Variants in GALNT9 observed in about 807,000 individuals in gnomAD.
GALNT9 encodes polypeptide N-acetylgalactosaminyltransferase 9.
GALNT9 carries 47 observed loss-of-function variants against 63.1 expected under a neutral mutation model. The observed-to-expected ratio is 0.75, with a 90% CI of 0.59 to 0.95. The LOEUF is 0.95. GALNT9 is among the 40% of genes least tolerant of loss of function. The pLI, the probability that GALNT9 is intolerant of heterozygous loss-of-function variation, is 0.00. For missense variants in GALNT9, 829 were observed against 874.8 expected (o/e 0.95, Z 0.66); for synonymous variants, 396 against 365.7 (o/e 1.08, Z -0.94).
intron 6 of GALNT9, among the ~76,000 whole-genome samples, chr12:132,237,435 C>T (rs2136895395): frequency 2.0e-5 from 3 of 152,054 alleles, no homozygotes; most frequent in Non-Finnish European, 4.4e-5. Flanking sequence ...CTTCTGACAC[C>T]TGCTTTTACC....
chr12:132,267,897 A>ACG, intron 2 of GALNT9, among the ~76,000 whole-genome samples: 1 of 150,448 alleles, frequency 6.6e-6, no homozygotes, highest in South Asian at 2.1e-4. Context: ...ACACGCACAC[A>ACG]CGCACACAAA....
chr12:132,276,133 C>G (rs782341830), intron 2 of GALNT9: 1 of 152,248 alleles, frequency 6.6e-6, no homozygotes, highest in Non-Finnish European at 1.5e-5. Context: ...CCGGAGAGGC[C>G]GGGAGAGCTG....
At chr12:132,208,505 C>A (rs1472035323) in intron 6 of GALNT9, among the ~76,000 whole-genome samples, 4 of 152,252 alleles carry the variant, frequency 2.6e-5, no homozygotes, top group African/African-American at 9.6e-5. Flanking sequence ...CCACCCAGTG[C>A]CAAGGCCAAG....
intron 6 of GALNT9, among the ~76,000 whole-genome samples, chr12:132,223,147 CA>C (rs1877537053): frequency 3.5e-5 from 1 of 28,632 alleles, no homozygotes; most frequent in Non-Finnish European, 1.1e-4. Context: ...ACACACACAC[CA>C]CACAACCCAC....
chr12:132,214,541 C>G (rs1347024412), intron 6 of GALNT9, among the ~76,000 whole-genome samples: 1 of 152,218 alleles, frequency 6.6e-6, no homozygotes, highest in Non-Finnish European at 1.5e-5. Context: ...TCTGGGCTAC[C>G]ATCCTCCCAC....
chr12:132,250,468 T>C (rs1271921746), intron 5 of GALNT9, among the ~76,000 whole-genome samples: 2 of 152,222 alleles, frequency 1.3e-5, no homozygotes, highest in Non-Finnish European at 2.9e-5. Flanking sequence ...ATTGAGTGCT[T>C]TGATCTTCCA....
rs182992339 is a variant in GALNT9 at position 132,302,962 on chromosome 12, C to T, written c.239-16532G>A. ...TATGCAGAGGGACCACTCCGGTGAC[C>T]GTCTAAGGGGGGCGAGGGTGGAACC... On this transcript the variant is annotated intron_variant, in intron 1 of 10. Transcript: ENST00000328957. 2.0e-3 allele frequency among the ~76,000 whole-genome samples: 259 copies of T among 131,106 alleles called. 1 individual carries two copies. The East Asian group carries it at 0.024, about 12-fold the overall frequency. 86.0% of individuals were successfully genotyped at this position (131,106 alleles called of 152,430 possible). A position where few individuals can be genotyped will look rare whatever the true frequency, so the allele number is the denominator to read the frequency against.
At chr12:132,259,952 C>T (rs1294507783) in intron 4 of GALNT9, among the ~76,000 whole-genome samples, 4 of 148,846 alleles carry the variant, frequency 2.7e-5, no homozygotes, top group Non-Finnish European at 5.9e-5. Flanking sequence ...GGCCCTGGTG[C>T]GGGGAACACC....
chr12:132,248,185 T>C (rs1555238261), intron 5 of GALNT9, among the ~76,000 whole-genome samples, 158 bp from the exon 6 acceptor site: 1 of 152,228 alleles, frequency 6.6e-6, no homozygotes, highest in Non-Finnish European at 1.5e-5. Context: ...GAGGGGCCGC[T>C]GCTCCTCCAG....
At chr12:132,328,597 G>A (rs1274064975) in intron 1 of GALNT9, among the ~76,000 whole-genome samples, 5 of 152,186 alleles carry the variant, frequency 3.3e-5, no homozygotes, top group African/African-American at 4.8e-5. Flanking sequence ...TAAACCTGAC[G>A]GCCCCCACTC....
intron 6 of GALNT9, 80 bp from the exon 7 acceptor site, chr12:132,203,770 C>T: frequency 1.4e-6 from 2 of 1,470,708 alleles, no homozygotes; most frequent in Non-Finnish European, 1.8e-6. Context: ...CCGTGAGAGG[C>T]CAAGGGGCCC....
At chr12:132,326,590 G>A (rs1200884747) in intron 1 of GALNT9, among the ~76,000 whole-genome samples, 2 of 152,180 alleles carry the variant, frequency 1.3e-5, no homozygotes, top group Admixed American at 6.5e-5. Context: ...TGAAGACGTG[G>A]ACTTCCTTCC....
chr12:132,291,461 C>A (rs1880838655), intron 1 of GALNT9, among the ~76,000 whole-genome samples: 1 of 147,196 alleles, frequency 6.8e-6, no homozygotes, highest in Non-Finnish European at 1.5e-5. Flanking sequence ...TCACCCACAT[C>A]CACAGCACCC....
Position 132,265,596 on chromosome 12 carries a change from C to T in GALNT9, c.420-2971G>A, listed in dbSNP as rs781815468. 1.3e-5 allele frequency among the ~76,000 whole-genome samples: 2 copies of T among 152,178 alleles called. No individual in the cohort carries two copies. Among genetic ancestry groups the T allele is most frequent in the African/African-American group, 2.4e-5 (1 of 41,440 alleles). ...CCCGGGCCCCTTTTGCAGCAGGCTT[C>T]GCAAGGTAAGCAGCCCCACAGGACA... On this transcript the variant is annotated intron_variant, in intron 2 of 10. Transcript: ENST00000328957. The surrounding 1 kb of genome is among the most constrained non-coding windows in gnomAD (Gnocchi z 5.3).
At chr12:132,256,074 G>A (rs142225737) in intron 5 of GALNT9, among the ~76,000 whole-genome samples, 20 of 152,260 alleles carry the variant, frequency 1.3e-4, no homozygotes, top group African/African-American at 4.6e-4. Flanking sequence ...ACTTTGAGGG[G>A]TGAAATTTAT....
At chr12:132,326,747 G>C (rs1869053876) in intron 1 of GALNT9, among the ~76,000 whole-genome samples, 1 of 152,210 alleles carries the variant, frequency 6.6e-6, no homozygotes, top group South Asian at 2.1e-4. Flanking sequence ...AATCAATTTT[G>C]CATCCTGGGA....
chr12:132,247,587 C>T (rs1555238084), intron 6 of GALNT9: 1 of 532,522 alleles, frequency 1.9e-6, no homozygotes, highest in Admixed American at 2.3e-5. Flanking sequence ...TGCACTCGCC[C>T]TCACCCTGTC....
At chr12:132,204,770 C>A (rs1331474006) in intron 6 of GALNT9, among the ~76,000 whole-genome samples, 3 of 152,068 alleles carry the variant, frequency 2.0e-5, no homozygotes, top group African/African-American at 4.8e-5. Flanking sequence ...ATCCCATCCA[C>A]CCCATTAAAA....
Position 132,315,327 on chromosome 12 carries a change from T to C in GALNT9, c.238+13639A>G, listed in dbSNP as rs1404355877. ...TCAGGGCGGCCTCCCCCGTGTCCACTGCAAAGTGCTGGAGCCTCAGAATAT... is the reference window on the plus strand; with the variant it reads ...TCAGGGCGGCCTCCCCCGTGTCCACCGCAAAGTGCTGGAGCCTCAGAATAT... On this transcript the variant is annotated intron_variant, in intron 1 of 10. Coordinates refer to ENST00000328957, the MANE Select transcript of GALNT9 (RefSeq NM_001122636.2). This position sits in a 1 kb window ranked among gnomAD's most constrained non-coding sequence, Gnocchi z 6.1. Among the ~76,000 whole-genome samples the C allele has an allele frequency of 2.7e-5, 4 of 150,554 alleles. No homozygotes were observed. The highest frequency in any genetic ancestry group is 5.9e-5 in the Non-Finnish European group (4 of 67,718).
Sources: gnomAD v4.1 joint callset for allele counts (sites outside exome capture counted in the v4.1 genomes callset) on GRCh38, gnomAD v4.1.1 for gene constraint, Gnocchi (gnomAD v3.1) non-coding constraint, MANE v1.5 for transcripts, NCBI Gene and HGNC (gene_info 2026-07-23, HGNC 2026-07-21) for gene names.